POM121C: variants seen among roughly 807,000 people sequenced by gnomAD.
POM121C encodes POM121 transmembrane nucleoporin C.
POM121C carries 20 observed loss-of-function variants against 66.4 expected under a neutral mutation model. The observed-to-expected ratio is 0.30, with a 90% CI of 0.21 to 0.44. POM121C has a LOEUF of 0.44. POM121C is among the 20% of genes least tolerant of loss of function. The pLI, the probability that POM121C is intolerant of heterozygous loss-of-function variation, is 1.00. For missense variants in POM121C, 580 were observed against 1,225.7 expected (o/e 0.47, Z 7.87); for synonymous variants, 286 against 528.0 (o/e 0.54, Z 6.28).
chr7:75,435,252 G>A (rs1307990142), intron 7 of POM121C, among the ~76,000 whole-genome samples: 3 of 152,136 alleles, frequency 2.0e-5, no homozygotes, highest in Admixed American at 6.5e-5. Context: ...ATGGAATGAC[G>A]TCAACTGTCT....
At chr7:75,478,408 G>A (rs28851927) in intron 1 of POM121C, among the ~76,000 whole-genome samples, 2,313 of 151,900 alleles carry the variant, frequency 0.015, 18 homozygotes, top group African/African-American at 0.025. Flanking sequence ...AGGCAGATGT[G>A]AGGAGAAAGA....
chr7:75,439,304 A>T, intron 5 of POM121C, 80 bp from the exon 6 acceptor site: 1 of 1,563,540 alleles, frequency 6.4e-7, no homozygotes. Flanking sequence ...CATTTCTGGG[A>T]CCTTATACTA....
intron 7 of POM121C, among the ~76,000 whole-genome samples, chr7:75,431,475 T>C (rs1373545457): frequency 6.6e-6 from 1 of 151,450 alleles, no homozygotes; most frequent in Non-Finnish European, 1.5e-5. Flanking sequence ...TGGTGGTGCA[T>C]GCGTGTGGTC....
intron 3 of POM121C, among the ~76,000 whole-genome samples, chr7:75,443,977 A>AAGGAAGGC (rs1790751076): frequency 1.3e-5 from 1 of 77,522 alleles, no homozygotes; most frequent in African/African-American, 3.9e-5. Flanking sequence ...GATAAAGGGG[A>AAGGAAGGC]AGGAAGGCAG....
At chr7:75,442,573 C>G in intron 3 of POM121C, 3 of 1,494,160 alleles carry the variant, frequency 2.0e-6, no homozygotes, top group East Asian at 2.7e-5. Context: ...CCGCAGCAGG[C>G]ACGAGGTACA....
chr7:75,439,301 G>A (rs1554473526), intron 5 of POM121C, 77 bp from the exon 6 acceptor site: 1 of 1,579,236 alleles, frequency 6.3e-7, no homozygotes, highest in African/African-American at 1.3e-5. Context: ...TCACATTTCT[G>A]GGACCTTATA....
In POM121C at chr7:75,417,129, C is replaced by A; in HGVS notation, c.*1667G>T. 1 of 1,010,566 alleles carries A rather than the reference C, an allele frequency of 9.9e-7. No individual in the cohort carries two copies. The highest frequency in any genetic ancestry group is 1.2e-6 in the Non-Finnish European group (1 of 842,334). 62.6% of individuals were successfully genotyped at this position (1,010,566 alleles called of 1,614,324 possible). Reference sequence around the variant, plus strand: ...AGGTATTTAGGCTTGAGGTTCACTCCCTCCTCAGCTGCACACGCAGCCAGG... The same window carrying A: ...AGGTATTTAGGCTTGAGGTTCACTCACTCCTCAGCTGCACACGCAGCCAGG... On this transcript the variant is annotated 3_prime_UTR_variant, in exon 15 of 15. Coordinates refer to ENST00000615331, the MANE Select transcript of POM121C (RefSeq NM_001099415.3).
chr7:75,425,373 G>A (rs1293437682), intron 9 of POM121C, among the ~76,000 whole-genome samples, 178 bp from the exon 10 acceptor site: 7 of 150,702 alleles, frequency 4.6e-5, no homozygotes, highest in Non-Finnish European at 8.9e-5. Flanking sequence ...CACACAAACC[G>A]CTTACTGTGC....
At chr7:75,448,362 G>A (rs1790902269) in intron 3 of POM121C, among the ~76,000 whole-genome samples, 1 of 152,010 alleles carries the variant, frequency 6.6e-6, no homozygotes, top group Non-Finnish European at 1.5e-5. Flanking sequence ...GGAATGAAAG[G>A]CATTGAAAAT....
At chr7:75,458,039 C>G (rs1215621492) in intron 3 of POM121C, among the ~76,000 whole-genome samples, 1 of 152,296 alleles carries the variant, frequency 6.6e-6, no homozygotes, top group Non-Finnish European at 1.5e-5. Flanking sequence ...ACTTCAGCCT[C>G]AAAAGTGTGT....
chr7:75,473,720 G>C (rs1264328229), intron 3 of POM121C, among the ~76,000 whole-genome samples: 3 of 150,516 alleles, frequency 2.0e-5, no homozygotes, highest in Non-Finnish European at 4.4e-5. Context: ...ACGGAGTCTC[G>C]CTCTGTCGCC....
intron 3 of POM121C, among the ~76,000 whole-genome samples, chr7:75,474,141 C>T (rs1417805501): frequency 6.6e-6 from 1 of 152,134 alleles, no homozygotes; most frequent in Non-Finnish European, 1.5e-5. Context: ...GGACTGTAAT[C>T]TCAGCACTTG....
At position 75,417,566 on chromosome 7, in the gene POM121C, T is replaced by C. The variant is rs1563134335; in HGVS notation, c.*1230A>G. The C allele has an allele frequency of 2.0e-6, 2 of 984,538 alleles. No homozygotes were observed. The highest frequency in any genetic ancestry group is 9.4e-5 in the South Asian group (2 of 21,272). 61.0% of individuals were successfully genotyped at this position (984,538 alleles called of 1,614,324 possible). ...GTTTCAGAAGGACGGAAGGAAAGGA[T>C]GGGCTGCAGAGGGCCCTGTTTGGGA... On this transcript the variant is annotated 3_prime_UTR_variant, in exon 15 of 15. Transcript: ENST00000615331.
intron 3 of POM121C, among the ~76,000 whole-genome samples, chr7:75,454,524 C>CA (rs1563150460): frequency 6.6e-6 from 1 of 152,114 alleles, no homozygotes; most frequent in Non-Finnish European, 1.5e-5. Flanking sequence ...GAGCAGCCTC[C>CA]AGTCAGCGGT....
At chr7:75,419,612 C>G in intron 13 of POM121C, 170 bp from the exon 14 acceptor site, 1 of 752,882 alleles carries the variant, frequency 1.3e-6, no homozygotes, top group Non-Finnish European at 2.1e-6. Context: ...AGTCTTCATG[C>G]CTGGTGCCCC....
rs782276071 is a variant in POM121C at position 75,437,633 on chromosome 7, T to C, written c.362A>G (p.Asn121Ser). 8 of 1,613,842 alleles carry C rather than the reference T, an allele frequency of 5.0e-6. No individual in the cohort carries two copies. In the Admixed American group the frequency reaches 1.3e-4, roughly 27 times the overall value. The part of the protein sequence containing the change: ...LNSQSSDDHL[N>S]KRSRSSSMSS... Reference sequence around the variant, plus strand: ...CATGGAAGAGCTTCGGGATCTCTTATTCAAGTGGTCATCTGAGCTCTGAGA... The same window carrying C: ...CATGGAAGAGCTTCGGGATCTCTTACTCAAGTGGTCATCTGAGCTCTGAGA... Residue 121 changes from asparagine to serine, a missense_variant, in exon 7 of 15, where the codon AAT becomes AGT. Coordinates refer to ENST00000615331, the MANE Select transcript of POM121C (RefSeq NM_001099415.3).
chr7:75,419,467 A>G (rs6465926), intron 13 of POM121C, 25 bp from the exon 14 acceptor site: 888,863 of 1,610,774 alleles, frequency 0.55, 252,923 homozygotes, highest in East Asian at 0.92. Context: ...ACAGAGAGCT[A>G]GCCAGTGAGC....
intron 7 of POM121C, among the ~76,000 whole-genome samples, 176 bp downstream of exon 7, chr7:75,437,339 A>G (rs1201507027): frequency 1.3e-5 from 2 of 152,230 alleles, no homozygotes; most frequent in Non-Finnish European, 2.9e-5. Flanking sequence ...TCTTTTGTAC[A>G]GACAAGGTCT....
At position 75,474,736 on chromosome 7, in the gene POM121C, G is replaced by A. The variant is rs1563158808; in HGVS notation, c.-184C>T. On this transcript the variant is annotated 5_prime_UTR_variant, in exon 3 of 15. It adds an upstream start codon to the 5' untranslated region. Coordinates refer to ENST00000615331, the MANE Select transcript of POM121C (RefSeq NM_001099415.3). ...ATGTTGACATGGAAATTCACCTCCC[G>A]TTATCCACAGCTCCTCTCCCTGCTC... 1.4e-5 allele frequency: 21 copies of A among 1,464,404 alleles called. No individual in the cohort carries two copies. Among genetic ancestry groups the A allele is most frequent in the South Asian group, 1.1e-4 (10 of 87,164 alleles). The allele number at this position is 1,464,404 out of a possible 1,614,324, so 90.7% of individuals were successfully genotyped here.
Sources: gnomAD v4.1 joint callset for allele counts (sites outside exome capture counted in the v4.1 genomes callset) on GRCh38, gnomAD v4.1.1 for gene constraint, MANE v1.5 for transcripts, NCBI Gene and HGNC (gene_info 2026-07-23, HGNC 2026-07-21) for gene names.